Variants in KHDRBS3 observed in about 807,000 individuals in gnomAD.
KHDRBS3 encodes the protein KH domain-containing, RNA-binding, signal transduction-associated protein 3.
A neutral mutation model predicts 45.6 loss-of-function variants in KHDRBS3; 23 were observed. The ratio of observed to expected loss-of-function variants is 0.50; its 90% CI spans 0.36 to 0.72. The LOEUF (loss-of-function observed/expected upper bound fraction) is 0.72, where lower values mean the gene tolerates loss of function less well. KHDRBS3 is among the 30% of genes least tolerant of loss of function. The pLI is 0.00. For missense variants in KHDRBS3, 352 were observed against 424.8 expected (o/e 0.83, Z 1.51); for synonymous variants, 162 against 156.5 (o/e 1.04, Z -0.26).
intron 3 of KHDRBS3, among the ~76,000 whole-genome samples, chr8:135,546,840 A>G (rs1293351287): frequency 1.3e-5 from 2 of 152,184 alleles, no homozygotes; most frequent in African/African-American, 4.8e-5. Flanking sequence ...GCCTGTCATC[A>G]TTAATCTGTA....
intron 2 of KHDRBS3, among the ~76,000 whole-genome samples, chr8:135,524,697 G>GT (rs1226079194): frequency 7.5e-4 from 108 of 143,926 alleles, no homozygotes; most frequent in Admixed American, 1.5e-3. Flanking sequence ...CTGTGGCTCT[G>GT]TTTTTTTTTT....
intron 1 of KHDRBS3, among the ~76,000 whole-genome samples, chr8:135,502,175 C>A (rs181709362): frequency 1.8e-4 from 28 of 152,240 alleles, no homozygotes; most frequent in South Asian, 1.2e-3. Context: ...ATGAATCTTC[C>A]TGCTACTGCC....
intron 6 of KHDRBS3, among the ~76,000 whole-genome samples, chr8:135,590,396 A>G (rs1216481352): frequency 1.3e-5 from 2 of 152,140 alleles, no homozygotes; most frequent in Non-Finnish European, 2.9e-5. Context: ...TATGCAGACT[A>G]TTTAACCTTT....
intron 1 of KHDRBS3, among the ~76,000 whole-genome samples, chr8:135,503,033 A>T (rs570956638): frequency 6.6e-6 from 1 of 152,326 alleles, no homozygotes; most frequent in South Asian, 2.1e-4. Flanking sequence ...CTGCACAGAC[A>T]TAGAGCATTT....
At chr8:135,477,921 G>A (rs1822372531) in intron 1 of KHDRBS3, among the ~76,000 whole-genome samples, 1 of 152,152 alleles carries the variant, frequency 6.6e-6, no homozygotes, top group Non-Finnish European at 1.5e-5. Context: ...GTAAGGAACC[G>A]GGTGCTCAGC....
At chr8:135,565,313 G>T (rs1197650011) in intron 5 of KHDRBS3, among the ~76,000 whole-genome samples, 2 of 152,002 alleles carry the variant, frequency 1.3e-5, no homozygotes, top group Non-Finnish European at 2.9e-5. Context: ...AGAAGAAGTG[G>T]GTGATTTTTG....
At chr8:135,464,304 G>A (rs1258768579) in intron 1 of KHDRBS3, among the ~76,000 whole-genome samples, 1 of 152,118 alleles carries the variant, frequency 6.6e-6, no homozygotes, top group African/African-American at 2.4e-5. Context: ...GTGCTCTCCG[G>A]CAGTCTTCAG....
intron 1 of KHDRBS3, among the ~76,000 whole-genome samples, chr8:135,487,950 A>G (rs1471489213): frequency 1.3e-5 from 2 of 152,104 alleles, no homozygotes; most frequent in African/African-American, 4.8e-5. Context: ...AAGTGCTTCA[A>G]AAATTATATC....
At chr8:135,575,349 C>T (rs941843630) in intron 5 of KHDRBS3, among the ~76,000 whole-genome samples, 14 of 152,008 alleles carry the variant, frequency 9.2e-5, no homozygotes, top group Non-Finnish European at 4.4e-5. Context: ...CCATAGAGCT[C>T]GTGGCTCACT....
At chr8:135,567,647 T>G (rs751870781) in intron 5 of KHDRBS3, among the ~76,000 whole-genome samples, 1 of 152,186 alleles carries the variant, frequency 6.6e-6, no homozygotes, top group African/African-American at 2.4e-5. Context: ...CAATAACTAT[T>G]CACTGAAATA....
intron 1 of KHDRBS3, among the ~76,000 whole-genome samples, chr8:135,480,718 T>G (rs1237025604): frequency 6.6e-6 from 1 of 152,208 alleles, no homozygotes; most frequent in Non-Finnish European, 1.5e-5. Flanking sequence ...TGGTTATATT[T>G]TAGACAATTT....
chr8:135,654,770 C>T (rs765408719), intron 4 of KHDRBS3, among the ~76,000 whole-genome samples: 10 of 152,206 alleles, frequency 6.6e-5, no homozygotes, highest in African/African-American at 2.2e-4. Context: ...GGTGGCCACA[C>T]CAGGGTAGCA....
At chr8:135,469,328 A>G (rs1447584865) in intron 1 of KHDRBS3, among the ~76,000 whole-genome samples, 1 of 152,174 alleles carries the variant, frequency 6.6e-6, no homozygotes, top group Non-Finnish European at 1.5e-5. Flanking sequence ...TCTGTCGCCC[A>G]GGCTGGAGTG....
chr8:135,620,815 G>A (rs562843903), intron 7 of KHDRBS3, among the ~76,000 whole-genome samples: 23 of 152,134 alleles, frequency 1.5e-4, no homozygotes, highest in South Asian at 4.2e-4. Context: ...CTGTGTTTCC[G>A]CAATGCTCTG....
intron 6 of KHDRBS3, among the ~76,000 whole-genome samples, chr8:135,598,670 A>G (rs369467954): frequency 6.6e-6 from 1 of 152,186 alleles, no homozygotes; most frequent in East Asian, 1.9e-4. Flanking sequence ...TGGCTTTGTG[A>G]TATGCTCATA....
chr8:135,575,785 A>C (rs1466390957), intron 5 of KHDRBS3, among the ~76,000 whole-genome samples: 1 of 152,342 alleles, frequency 6.6e-6, no homozygotes, highest in East Asian at 1.9e-4. Flanking sequence ...AGCATGGCTC[A>C]CTTATTTCAG....
chr8:135,569,587 T>C (rs1827598975), intron 5 of KHDRBS3, among the ~76,000 whole-genome samples: 2 of 152,200 alleles, frequency 1.3e-5, no homozygotes, highest in Non-Finnish European at 2.9e-5. Flanking sequence ...AAAGTTATAC[T>C]TTCCTTCCTT....
At chr8:135,571,806 G>T (rs558733300) in intron 5 of KHDRBS3, among the ~76,000 whole-genome samples, 1 of 152,152 alleles carries the variant, frequency 6.6e-6, no homozygotes, top group Middle Eastern at 3.2e-3. Flanking sequence ...CTTACTCACT[G>T]TGTGGCCTTG....
intron 2 of KHDRBS3, among the ~76,000 whole-genome samples, chr8:135,533,730 G>T (rs1247644546): frequency 6.6e-6 from 1 of 152,112 alleles, no homozygotes; most frequent in Non-Finnish European, 1.5e-5. Flanking sequence ...TTACAATGGG[G>T]TTTTGTCCCA....
Sources: allele counts gnomAD v4.1 joint callset (sites outside exome capture counted in the v4.1 genomes callset), GRCh38; gene constraint gnomAD v4.1.1; transcripts MANE v1.5; gene names NCBI Gene and HGNC (gene_info 2026-07-23, HGNC 2026-07-21).